The following ZIK1 variants were observed in gnomAD, a reference collection of about 807,000 sequenced individuals.
The protein encoded by ZIK1 is zinc finger protein interacting with K protein 1.
In ZIK1, 12 loss-of-function variants were observed where a neutral mutation model predicts 10.7. The observed-to-expected ratio is 1.12, with a 90% CI of 0.72 to 1.81. The LOEUF is 1.81. Among genes scored for constraint, ZIK1 ranks in the 40% most tolerant of loss-of-function variants. The pLI is 0.00. For synonymous variants in ZIK1, 190 were observed against 205.0 expected (o/e 0.93, Z 0.63); for missense variants, 497 against 585.7 (o/e 0.85, Z 1.56).
rs1979582311 is a variant in ZIK1 at position 57,590,529 on chromosome 19, G to T, written c.718G>T (p.Glu240Ter). 2 of 1,614,182 alleles carry T rather than the reference G, an allele frequency of 1.2e-6. No homozygotes were observed. The highest frequency in any genetic ancestry group is 8.5e-7 in the Non-Finnish European group (1 of 1,180,034). Reference protein sequence around the residue: ...PRVYTGKKLYECSKCGKAFRG... With the variant: ...PRVYTGKKLY Reference sequence around the variant, plus strand: ...AGTCTACACTGGAAAAAAGCTTTATGAGTGTAGCAAATGTGGGAAAGCCTT... The same window carrying T: ...AGTCTACACTGGAAAAAAGCTTTATTAGTGTAGCAAATGTGGGAAAGCCTT... The change falls in exon 4 of 4, where the codon GAG becomes TAG. Residue 240 changes from glutamate (E) to a stop codon, truncating the protein, a stop_gained. Coordinates refer to ENST00000597850, the MANE Select transcript of ZIK1 (RefSeq NM_001010879.4). LOFTEE classifies it low-confidence loss of function (END_TRUNC).
chr19:57,590,266 C>A lies in ZIK1; in HGVS notation c.455C>A (p.Ala152Asp). Residue 152 changes from alanine (A) to aspartate (D), a missense_variant, in exon 4 of 4, where the codon GCC becomes GAC. Physicochemically the swap from Ala to Asp is moderately radical, Grantham distance 126 (BLOSUM62 -2). Transcript: ENST00000597850. ...TCCTTGAAGAGGGACATGGACAGAG[C>A]CTCATATGTGAAGTGCTGCCTATTC... ...KKSLKRDMDRASYVKCCLFCM... is the reference protein window; with the variant it reads ...KKSLKRDMDRDSYVKCCLFCM... 1 of 1,614,208 alleles carries A rather than the reference C, an allele frequency of 6.2e-7. No individual in the cohort carries two copies. The highest frequency in any genetic ancestry group is 8.5e-7 in the Non-Finnish European group (1 of 1,180,026).
chr19:57,586,263 A>G (rs1391929697), intron 2 of ZIK1, among the ~76,000 whole-genome samples: 8 of 151,754 alleles, frequency 5.3e-5, no homozygotes, highest in Admixed American at 3.9e-4. Context: ...AGATAATGCT[A>G]TTTATAATGC....
chr19:57,585,262 T>C (rs959365848), intron 2 of ZIK1, among the ~76,000 whole-genome samples: 1 of 152,218 alleles, frequency 6.6e-6, no homozygotes, highest in African/African-American at 2.4e-5. Context: ...CTCTCCTTTC[T>C]TTCTCATGGG....
intron 1 of ZIK1, 124 bp from the exon 2 acceptor site, chr19:57,584,828 G>A (rs1307478234): frequency 2.4e-6 from 3 of 1,224,836 alleles, no homozygotes; most frequent in Non-Finnish European, 3.4e-6. Flanking sequence ...GGAACGCTGA[G>A]GCTCAGAAAT....
Position 57,591,149 on chromosome 19 carries a change from A to C in ZIK1, c.1338A>C (p.Gln446His). The part of the protein sequence containing the change: ...ECGQCGKSFS[Q>H]KSGLIQHQVV... Reference sequence around the variant, plus strand: ...GCCAGTGTGGAAAGTCCTTTAGCCAAAAGTCTGGTCTCATTCAACACCAAG... The same window carrying C: ...GCCAGTGTGGAAAGTCCTTTAGCCACAAGTCTGGTCTCATTCAACACCAAG... The change falls in exon 4 of 4, where the codon CAA becomes CAC. Residue 446 changes from glutamine to histidine, a missense_variant. Physicochemically the swap from Gln to His is conservative, Grantham distance 24 (BLOSUM62 0). Coordinates refer to ENST00000597850, the MANE Select transcript of ZIK1 (RefSeq NM_001010879.4). The C allele has an allele frequency of 1.2e-6, 2 of 1,614,212 alleles. No homozygotes were observed. Among genetic ancestry groups the C allele is most frequent in the Non-Finnish European group, 1.7e-6 (2 of 1,180,036 alleles).
chr19:57,591,604 A>C lies in ZIK1; in HGVS notation c.*329A>C, dbSNP rs2123434596. ...TGAGCAGTCTAAGCCTTTAGAGAAA[A>C]TTCATTCTTTTTTCTGACTGATCAC... On this transcript the variant is annotated 3_prime_UTR_variant, in exon 4 of 4. Coordinates refer to ENST00000597850, the MANE Select transcript of ZIK1 (RefSeq NM_001010879.4). 3.6e-6 allele frequency: 1 copy of C among 277,170 alleles called. No homozygotes were observed. Among genetic ancestry groups the C allele is most frequent in the East Asian group, 6.1e-5 (1 of 16,352 alleles). The allele number at this position is 277,170 out of a possible 1,614,324, so 17.2% of individuals were successfully genotyped here. A position where few individuals can be genotyped will look rare whatever the true frequency, so the allele number is the denominator to read the frequency against.
At position 57,588,543 on chromosome 19, in the gene ZIK1, G is replaced by A; in HGVS notation, c.77G>A (p.Cys26Tyr). The A allele has an allele frequency of 6.6e-7, 1 of 1,520,904 alleles. No individual in the cohort carries two copies. The highest frequency in any genetic ancestry group is 1.3e-5 in the South Asian group (1 of 75,830). 94.2% of individuals were successfully genotyped at this position (1,520,904 alleles called of 1,614,324 possible). A position where few individuals can be genotyped will look rare whatever the true frequency, so the allele number is the denominator to read the frequency against. The change falls in exon 3 of 4, where the codon TGT becomes TAT. Residue 26 changes from cysteine to tyrosine, a missense_variant. Transcript: ENST00000597850. ...GACCTGTCCCCATCATGACAGGGCTGTGTGACCTTTGAGGACATCGCCATT... is the reference window on the plus strand; with the variant it reads ...GACCTGTCCCCATCATGACAGGGCTATGTGACCTTTGAGGACATCGCCATT... ...PETHMDLTKG[C>Y]VTFEDIAIYF...
chr19:57,593,707 A>G lies in ZIK1; in HGVS notation c.*2432A>G, dbSNP rs999176003. ...ATTTTAGTTGTTTTAATAGCTGTATAATAGCATCTGTCTGTGATTTTATTG... is the reference window on the plus strand; with the variant it reads ...ATTTTAGTTGTTTTAATAGCTGTATGATAGCATCTGTCTGTGATTTTATTG... On this transcript the variant is annotated 3_prime_UTR_variant, in exon 4 of 4. Transcript: ENST00000597850. The G allele has an allele frequency of 1.2e-4, 18 of 151,006 alleles. No homozygotes were observed. The highest frequency in any genetic ancestry group is 3.7e-4 in the African/African-American group (15 of 40,914). 9.4% of individuals were successfully genotyped at this position (151,006 alleles called of 1,614,324 possible).
intron 1 of ZIK1, chr19:57,584,623 TTCCC>T (rs1978962388): frequency 7.2e-7 from 1 of 1,385,318 alleles, no homozygotes; most frequent in Admixed American, 3.3e-5. Context: ...GTGAGGAGTT[TTCCC>T]TCAATTCTTA....
At chr19:57,585,064 C>A in intron 2 of ZIK1, 74 bp downstream of exon 2, 1 of 1,464,448 alleles carries the variant, frequency 6.8e-7, no homozygotes, top group South Asian at 1.3e-5. Flanking sequence ...CTTTTTGCCA[C>A]CATCCAGTTC....
In ZIK1 at chr19:57,590,056, A is replaced by G. The variant is rs749741888; in HGVS notation, c.245A>G (p.Asn82Ser). 5.2e-5 allele frequency: 84 copies of G among 1,614,084 alleles called. No homozygotes were observed. The highest frequency in any genetic ancestry group is 6.9e-5 in the Non-Finnish European group (82 of 1,180,032). Reference protein sequence around the residue: ...TEDEETPSDQNVSVGVSQSKA... With the variant: ...TEDEETPSDQSVSVGVSQSKA... ...GATGAAGAGACACCTTCTGACCAGA[A>G]TGTTTCTGTAGGAGTGTCACAGTCA... is the stretch of plus-strand genomic sequence containing the variant. Residue 82 changes from asparagine to serine, a missense_variant, in exon 4 of 4, where the codon AAT becomes AGT. Asn to Ser is a conservative substitution (Grantham distance 46). Coordinates refer to ENST00000597850, the MANE Select transcript of ZIK1 (RefSeq NM_001010879.4).
At chr19:57,585,108 T>C in intron 2 of ZIK1, 118 bp downstream of exon 2, 1 of 882,600 alleles carries the variant, frequency 1.1e-6, no homozygotes. Flanking sequence ...ACTGGAAGCT[T>C]GACATCCTGA....
At chr19:57,584,629 C>T (rs1188340265) in intron 1 of ZIK1, 1 of 1,382,602 alleles carries the variant, frequency 7.2e-7, no homozygotes, top group African/African-American at 1.5e-5. Context: ...AGTTTTCCCT[C>T]AATTCTTAGG....
rs1237782102 is a variant in ZIK1, at chr19:57,590,466, G to A, written c.655G>A (p.Ala219Thr). Reference protein sequence around the residue: ...SHYKSGECGKASRHKHTPVYH... With the variant: ...SHYKSGECGKTSRHKHTPVYH... ...TTACAAGTCAGGTGAATGTGGGAAGGCTTCCAGGCACAAACACACTCCTGT... is the reference window on the plus strand; with the variant it reads ...TTACAAGTCAGGTGAATGTGGGAAGACTTCCAGGCACAAACACACTCCTGT... The change falls in exon 4 of 4, where the codon GCT becomes ACT. Residue 219 changes from alanine (A) to threonine (T), a missense_variant. Transcript: ENST00000597850. 3 of 1,613,886 alleles carry A rather than the reference G, an allele frequency of 1.9e-6. No homozygotes were observed. The African/African-American group carries it at 4.0e-5, about 22-fold the overall frequency.
rs769681747 is a variant in ZIK1 at position 57,592,649 on chromosome 19, C to T, written c.*1374C>T. The stretch of plus-strand genomic sequence containing the variant: ...CTTCATTGCTTGCCAACATTTCCTG[C>T]ATGGAGGGACTCATGGTTGCCCTTC... On this transcript the variant is annotated 3_prime_UTR_variant, in exon 4 of 4. Coordinates refer to ENST00000597850, the MANE Select transcript of ZIK1 (RefSeq NM_001010879.4). 2.0e-5 allele frequency: 3 copies of T among 152,136 alleles called. No homozygotes were observed. The highest frequency in any genetic ancestry group is 4.4e-5 in the Non-Finnish European group (3 of 68,030). 9.4% of individuals were successfully genotyped at this position (152,136 alleles called of 1,614,324 possible).
rs751188528 is a variant in ZIK1, at chr19:57,591,421, T to G, written c.*146T>G. The G allele has an allele frequency of 1.0e-5, 8 of 794,378 alleles. No homozygotes were observed. Among genetic ancestry groups the G allele is most frequent in the Non-Finnish European group, 1.6e-5 (8 of 515,670 alleles). 49.2% of individuals were successfully genotyped at this position (794,378 alleles called of 1,614,324 possible). A position where few individuals can be genotyped will look rare whatever the true frequency, so the allele number is the denominator to read the frequency against. On this transcript the variant is annotated 3_prime_UTR_variant, in exon 4 of 4. Coordinates refer to ENST00000597850, the MANE Select transcript of ZIK1 (RefSeq NM_001010879.4). ...GTATTGTAGCAGTAGAGAGCCTTTG[T>G]GAGGGAGCCATCTGCCTGAAGTTGA...
Position 57,591,158 on chromosome 19 carries a change from T to A in ZIK1, c.1347T>A (p.Gly449=). 1 of 1,613,450 alleles carries A rather than the reference T, an allele frequency of 6.2e-7. No homozygotes were observed. The change falls in exon 4 of 4, where the codon GGT becomes GGA. Residue 449 remains glycine (G), a synonymous_variant. Coordinates refer to ENST00000597850, the MANE Select transcript of ZIK1 (RefSeq NM_001010879.4). ...QCGKSFSQKS[G]LIQHQVVHTG... Reference sequence around the variant, plus strand: ...GAAAGTCCTTTAGCCAAAAGTCTGGTCTCATTCAACACCAAGTGGTTCACA... The same window carrying A: ...GAAAGTCCTTTAGCCAAAAGTCTGGACTCATTCAACACCAAGTGGTTCACA...
chr19:57,584,909 C>T, intron 1 of ZIK1, 43 bp from the exon 2 acceptor site: 1 of 1,609,668 alleles, frequency 6.2e-7, no homozygotes, highest in Non-Finnish European at 8.5e-7. Context: ...TCCGTAGAGC[C>T]CTGTATGGTC....
In ZIK1 at chr19:57,590,250, AG is replaced by A; in HGVS notation, c.442del (p.Asp148ThrfsTer8). ...TCACAGTGCAAAGAAATCCTTGAAGAGGGACATGGACAGAGCCTCATATGTG... is the reference window on the plus strand; with the variant it reads ...TCACAGTGCAAAGAAATCCTTGAAGAGGACATGGACAGAGCCTCATATGTG... ...KHHSAKKSLK[R>X]DMDRASYVKC... On this transcript the variant is annotated frameshift_variant, in exon 4 of 4. Coordinates refer to ENST00000597850, the MANE Select transcript of ZIK1 (RefSeq NM_001010879.4). LOFTEE classifies it low-confidence loss of function (END_TRUNC). The A allele has an allele frequency of 6.2e-7, 1 of 1,614,228 alleles. No individual in the cohort carries two copies. Among genetic ancestry groups the A allele is most frequent in the East Asian group, 2.2e-5 (1 of 44,876 alleles).
Sources: gnomAD v4.1 joint callset for allele counts (sites outside exome capture counted in the v4.1 genomes callset) on GRCh38, gnomAD v4.1.1 for gene constraint, MANE v1.5 for transcripts, NCBI Gene and HGNC (gene_info 2026-07-23, HGNC 2026-07-21) for gene names.